MACROD2: variants seen among roughly 807,000 people sequenced by gnomAD.
MACROD2 encodes mono-ADP ribosylhydrolase 2.
A neutral mutation model predicts 70.4 loss-of-function variants in MACROD2; 36 were observed. That is an observed-to-expected ratio of 0.51 (90% confidence interval 0.39 to 0.68). MACROD2 has a LOEUF of 0.68. Among genes scored for constraint, MACROD2 ranks in the 30% least tolerant of loss-of-function variants. The pLI, the probability that MACROD2 is intolerant of heterozygous loss-of-function variation, is 0.00. For synonymous variants in MACROD2, 172 were observed against 178.8 expected (o/e 0.96, Z 0.30); for missense variants, 496 against 538.4 (o/e 0.92, Z 0.78).
At chr20:15,599,508 C>T (rs1267544102) in intron 8 of MACROD2, among the ~76,000 whole-genome samples, 2 of 152,136 alleles carry the variant, frequency 1.3e-5, no homozygotes, top group African/African-American at 4.8e-5. Context: ...AGTAACTTTT[C>T]TGCCAAGCTG....
rs11483683 is a variant in MACROD2, at chr20:14,932,003, T to TAA, written c.418+247065_418+247066dup. ...AGCAACAGAGTGAGACCCTGTTTCT[T>TAA]AAAAAAAAAAAAAAAAAAAAAATCC... On this transcript the variant is annotated intron_variant, in intron 5 of 17. Transcript: ENST00000684519. Among the ~76,000 whole-genome samples, 1,033 of 135,884 alleles carry TAA rather than the reference T, an allele frequency of 7.6e-3. 18 individuals carry two copies. Among genetic ancestry groups the TAA allele is most frequent in the African/African-American group, 0.025 (912 of 36,070 alleles). 89.1% of individuals were successfully genotyped at this position (135,884 alleles called of 152,430 possible).
intron 8 of MACROD2, among the ~76,000 whole-genome samples, chr20:15,644,244 C>T (rs55887936): frequency 0.088 from 13,363 of 152,134 alleles, 853 homozygotes; most frequent in East Asian, 0.16. Flanking sequence ...ACCCTAACAT[C>T]GTTACATCCC....
intron 3 of MACROD2, among the ~76,000 whole-genome samples, chr20:14,360,685 A>T (rs6074720): frequency 0.59 from 89,817 of 152,116 alleles, 28,363 homozygotes; most frequent in Non-Finnish European, 0.71. Context: ...AGCTATAAAG[A>T]CCTCATTACT....
At chr20:14,169,311 G>T (rs180954061) in intron 3 of MACROD2, among the ~76,000 whole-genome samples, 2 of 151,230 alleles carry the variant, frequency 1.3e-5, no homozygotes, top group Non-Finnish European at 1.5e-5. Context: ...CTTTTTTTTG[G>T]GGGGGGGCGG....
intron 8 of MACROD2, among the ~76,000 whole-genome samples, chr20:15,822,356 T>TA (rs2063947995): frequency 6.6e-6 from 1 of 152,190 alleles, no homozygotes; most frequent in Non-Finnish European, 1.5e-5. Flanking sequence ...TGATATGTGA[T>TA]ACATCCTAAA....
chr20:15,630,538 T>G (rs1024377993), intron 8 of MACROD2, among the ~76,000 whole-genome samples: 1 of 152,218 alleles, frequency 6.6e-6, no homozygotes, highest in Non-Finnish European at 1.5e-5. Context: ...GTCTTTGTAT[T>G]CTGCCTCGTA....
In MACROD2 at chr20:15,651,669, G is replaced by T. The variant is rs144083556; in HGVS notation, c.645+151822G>T. ...TTCAATCCAATCATCCTCCCATTAT[G>T]TCTTGTCATCTTTCAACTCCAGTGG... On this transcript the variant is annotated intron_variant, in intron 8 of 17. Coordinates refer to ENST00000684519, the MANE Select transcript of MACROD2 (RefSeq NM_001351661.2). Among the ~76,000 whole-genome samples the T allele has an allele frequency of 3.3e-3, 508 of 152,224 alleles. 7 individuals are homozygous for T. Among genetic ancestry groups the T allele is most frequent in the African/African-American group, 0.011 (459 of 41,530 alleles).
At chr20:15,508,483 A>T (rs756144961) in intron 8 of MACROD2, among the ~76,000 whole-genome samples, 39 of 152,184 alleles carry the variant, frequency 2.6e-4, no homozygotes, top group Non-Finnish European at 5.3e-4. Context: ...GATGTGTCCC[A>T]TGGCAGAGGC....
intron 12 of MACROD2, among the ~76,000 whole-genome samples, chr20:15,962,231 T>C (rs11697488): frequency 0.59 from 89,602 of 152,056 alleles, 28,957 homozygotes; most frequent in Non-Finnish European, 0.72. Flanking sequence ...AGGCGGATGA[T>C]GAAGGAAGAG....
intron 6 of MACROD2, among the ~76,000 whole-genome samples, chr20:15,397,004 G>A (rs1488912691): frequency 6.6e-6 from 1 of 152,158 alleles, no homozygotes; most frequent in Non-Finnish European, 1.5e-5. Context: ...ATTTCCCATA[G>A]GGTTATTGAA....
chr20:15,190,727 G>C (rs1393564756), intron 5 of MACROD2, among the ~76,000 whole-genome samples: 1 of 152,176 alleles, frequency 6.6e-6, no homozygotes, highest in Non-Finnish European at 1.5e-5. Flanking sequence ...GGAGTGAGGG[G>C]AAAGGGTGCA....
chr20:14,398,966 A>C (rs1292967293), intron 3 of MACROD2, among the ~76,000 whole-genome samples: 1 of 151,838 alleles, frequency 6.6e-6, no homozygotes, highest in Non-Finnish European at 1.5e-5. Flanking sequence ...GTTCTGTTGG[A>C]AGTAAACCCA....
chr20:15,015,675 T>C (rs1370289637), intron 5 of MACROD2, among the ~76,000 whole-genome samples: 4 of 152,236 alleles, frequency 2.6e-5, no homozygotes, highest in Non-Finnish European at 4.4e-5. Flanking sequence ...TGTTGAGTTC[T>C]AGGTATCTTC....
chr20:15,106,543 T>A (rs1212386327), intron 5 of MACROD2, among the ~76,000 whole-genome samples: 1 of 152,174 alleles, frequency 6.6e-6, no homozygotes, highest in Non-Finnish European at 1.5e-5. Context: ...GCTTGAACCC[T>A]CAGAAGAAAT....
chr20:14,526,261 C>A (rs1188111613), intron 4 of MACROD2, among the ~76,000 whole-genome samples: 1 of 151,834 alleles, frequency 6.6e-6, no homozygotes, highest in Non-Finnish European at 1.5e-5. Context: ...TTGTCATATT[C>A]TTTTTTTTAT....
At chr20:15,618,273 C>A (rs1419561796) in intron 8 of MACROD2, among the ~76,000 whole-genome samples, 1 of 152,020 alleles carries the variant, frequency 6.6e-6, no homozygotes, top group African/African-American at 2.4e-5. Context: ...ATTGTGTTCT[C>A]AGCTAACTGC....
intron 13 of MACROD2, among the ~76,000 whole-genome samples, chr20:15,984,266 C>T (rs2066444873): frequency 1.3e-5 from 2 of 152,180 alleles, no homozygotes; most frequent in East Asian, 1.9e-4. Flanking sequence ...ATTTTCTTTA[C>T]AATTAACGTT....
intron 12 of MACROD2, among the ~76,000 whole-genome samples, chr20:15,944,574 G>T (rs978267734): frequency 2.6e-5 from 4 of 151,900 alleles, no homozygotes; most frequent in Non-Finnish European, 5.9e-5. Context: ...TCTCAATTTT[G>T]AATTGTTTCT....
At chr20:15,880,691 C>A (rs762597479) in intron 9 of MACROD2, among the ~76,000 whole-genome samples, 20 of 152,054 alleles carry the variant, frequency 1.3e-4, no homozygotes, top group Non-Finnish European at 2.6e-4. Flanking sequence ...GAGAAAGGCT[C>A]AACCCTAAAG....
Sources: gnomAD v4.1 joint callset for allele counts (sites outside exome capture counted in the v4.1 genomes callset) on GRCh38, gnomAD v4.1.1 for gene constraint, MANE v1.5 for transcripts, NCBI Gene and HGNC (gene_info 2026-07-23, HGNC 2026-07-21) for gene names.